The following GPATCH2L variants were observed in gnomAD, a reference collection of about 807,000 sequenced individuals.
GPATCH2L encodes G patch domain-containing protein 2-like.
In GPATCH2L, 31 loss-of-function variants were observed where a neutral mutation model predicts 57.4. That is an observed-to-expected ratio of 0.54 (90% CI 0.41 to 0.73). The LOEUF (loss-of-function observed/expected upper bound fraction) is 0.73. Ranked by LOEUF, GPATCH2L falls within the 30% of genes least tolerant of loss-of-function variation. GPATCH2L has a pLI of 0.00. For synonymous variants in GPATCH2L, 199 were observed against 210.7 expected (o/e 0.94, Z 0.48); for missense variants, 481 against 599.9 (o/e 0.80, Z 2.07).
intron 1 of GPATCH2L, among the ~76,000 whole-genome samples, chr14:76,153,325 G>A (rs2038142510): frequency 6.6e-6 from 1 of 152,254 alleles, no homozygotes; most frequent in Admixed American, 6.5e-5. Flanking sequence ...TTAATTAGAT[G>A]CTGTACAAAT....
chr14:76,230,707 C>T (rs1280722598), intron 2 of GPATCH2L, among the ~76,000 whole-genome samples: 2 of 152,202 alleles, frequency 1.3e-5, no homozygotes, highest in Non-Finnish European at 2.9e-5. Context: ...AGATCATTGC[C>T]AGTTTACCAG....
chr14:76,157,893 T>C (rs879751282), intron 2 of GPATCH2L, among the ~76,000 whole-genome samples: 3 of 152,216 alleles, frequency 2.0e-5, no homozygotes, highest in Non-Finnish European at 4.4e-5. Context: ...AGTATAGTAG[T>C]TTTTTTCTGC....
chr14:76,186,601 G>A (rs2039776843), intron 8 of GPATCH2L, among the ~76,000 whole-genome samples: 1 of 152,142 alleles, frequency 6.6e-6, no homozygotes, highest in Non-Finnish European at 1.5e-5. Flanking sequence ...AGCAGTTTCT[G>A]CTATAGTATT....
intron 1 of GPATCH2L, chr14:76,152,435 C>G: frequency 3.4e-6 from 1 of 294,188 alleles, no homozygotes. Context: ...CCCCGCCCCT[C>G]GTGAGCCCAA....
Position 76,211,125 on chromosome 14 carries a change from G to A in GPATCH2L, c.*9274G>A, listed in dbSNP as rs1055145311. 2.0e-5 allele frequency: 3 copies of A among 152,142 alleles called. No homozygotes were observed. The highest frequency in any genetic ancestry group is 7.2e-5 in the African/African-American group (3 of 41,416). 9.4% of individuals were successfully genotyped at this position (152,142 alleles called of 1,614,324 possible). On this transcript the variant is annotated 3_prime_UTR_variant, in exon 10 of 10. Coordinates refer to ENST00000261530, the MANE Select transcript of GPATCH2L (RefSeq NM_017926.4). ...AGAAGAGTGGATGAAGCCCTCCAAG[G>A]GTAAAAGCATGGTTTATTCAGAGCA...
rs2040335140 is a variant in GPATCH2L at position 76,203,051 on chromosome 14, GGT to G, written c.*1201_*1202del. ...CTCTTGGTGAAGTGCTCCCTGCTCT[GGT>G]CACATTGTAGAGGGACTCCCACTCA... On this transcript the variant is annotated 3_prime_UTR_variant, in exon 10 of 10. Transcript: ENST00000261530. The G allele has an allele frequency of 6.6e-6, 1 of 152,066 alleles. No homozygotes were observed. The highest frequency in any genetic ancestry group is 2.4e-5 in the African/African-American group (1 of 41,396). The allele number at this position is 152,066 out of a possible 1,614,324, so 9.4% of individuals were successfully genotyped here.
rs929862199 is a variant in GPATCH2L at position 76,211,092 on chromosome 14, A to C, written c.*9241A>C. 6.6e-6 allele frequency: 1 copy of C among 152,244 alleles called. No individual in the cohort carries two copies. The highest frequency in any genetic ancestry group is 2.4e-5 in the African/African-American group (1 of 41,460). The allele number at this position is 152,244 out of a possible 1,614,324, so 9.4% of individuals were successfully genotyped here. On this transcript the variant is annotated 3_prime_UTR_variant, in exon 10 of 10. Transcript: ENST00000261530. Reference sequence around the variant, plus strand: ...TTGAAAGAAATCCTGAAGGATAAGCAGGAGTTAAGAAGAGTGGATGAAGCC... The same window carrying C: ...TTGAAAGAAATCCTGAAGGATAAGCCGGAGTTAAGAAGAGTGGATGAAGCC...
intron 9 of GPATCH2L, among the ~76,000 whole-genome samples, chr14:76,200,285 G>A (rs1449209416): frequency 2.0e-5 from 3 of 152,130 alleles, no homozygotes; most frequent in Non-Finnish European, 4.4e-5. Context: ...TGTACTTAAT[G>A]CGACTGAACT....
At chr14:76,153,202 A>G (rs954988247) in intron 1 of GPATCH2L, among the ~76,000 whole-genome samples, 1 of 152,256 alleles carries the variant, frequency 6.6e-6, no homozygotes, top group Non-Finnish European at 1.5e-5. Flanking sequence ...GCAAAGTGAA[A>G]ACTGAATGAA....
chr14:76,175,969 A>T (rs2039304713), intron 5 of GPATCH2L: 1 of 152,196 alleles, frequency 6.6e-6, no homozygotes, highest in African/African-American at 2.4e-5. Flanking sequence ...ATTTTTTGGA[A>T]ATGGTTCGTT....
In GPATCH2L at chr14:76,203,003, G is replaced by T. The variant is rs1385699422; in HGVS notation, c.*1152G>T. 6.6e-6 allele frequency: 1 copy of T among 152,086 alleles called. No individual in the cohort carries two copies. Among genetic ancestry groups the T allele is most frequent in the African/African-American group, 2.4e-5 (1 of 41,402 alleles). The allele number at this position is 152,086 out of a possible 1,614,324, so 9.4% of individuals were successfully genotyped here. On this transcript the variant is annotated 3_prime_UTR_variant, in exon 10 of 10. Coordinates refer to ENST00000261530, the MANE Select transcript of GPATCH2L (RefSeq NM_017926.4). Reference sequence around the variant, plus strand: ...CTCTTTTTTTTATACCAATGAGTGCGTTTACTCTGAAATACATAGAAGCTC... The same window carrying T: ...CTCTTTTTTTTATACCAATGAGTGCTTTTACTCTGAAATACATAGAAGCTC...
intron 8 of GPATCH2L, among the ~76,000 whole-genome samples, chr14:76,195,599 T>C (rs540581108): frequency 6.6e-6 from 1 of 152,334 alleles, no homozygotes; most frequent in African/African-American, 2.4e-5. Context: ...AAAATAATTG[T>C]ATAAAAATAA....
At position 76,201,647 on chromosome 14, in the gene GPATCH2L, A is replaced by G. The variant is rs753606622; in HGVS notation, c.1289-44A>G. 9.7e-6 allele frequency: 14 copies of G among 1,446,306 alleles called. No individual in the cohort carries two copies. In the South Asian group the frequency reaches 1.5e-4, roughly 16 times the overall value. 89.6% of individuals were successfully genotyped at this position (1,446,306 alleles called of 1,614,324 possible). On this transcript the variant is annotated intron_variant, in intron 9 of 9. Transcript: ENST00000261530. ...ATTCTAATTTGTCTTATTCTAATTTATCTCCCCTTGATGTTTTGCTCCTCT... is the reference window on the plus strand; with the variant it reads ...ATTCTAATTTGTCTTATTCTAATTTGTCTCCCCTTGATGTTTTGCTCCTCT...
downstream of GPATCH2L, among the ~76,000 whole-genome samples, chr14:76,216,543 G>GTGCA (rs2040490641): frequency 6.6e-6 from 1 of 152,110 alleles, no homozygotes; most frequent in African/African-American, 2.4e-5. Flanking sequence ...AACTCATTCA[G>GTGCA]GGGAAATAGA....
chr14:76,166,247 G>A (rs184505472), intron 2 of GPATCH2L, among the ~76,000 whole-genome samples: 14 of 152,238 alleles, frequency 9.2e-5, no homozygotes, highest in Admixed American at 9.2e-4. Context: ...GTAGATGGGG[G>A]AAAACTTGAA....
rs1280291946 is a variant in GPATCH2L, at chr14:76,210,302, A to G, written c.*8451A>G. 1 of 152,244 alleles carries G rather than the reference A, an allele frequency of 6.6e-6. No individual in the cohort carries two copies. Among genetic ancestry groups the G allele is most frequent in the African/African-American group, 2.4e-5 (1 of 41,462 alleles). 9.4% of individuals were successfully genotyped at this position (152,244 alleles called of 1,614,324 possible). ...ACAAACTTGCTCGAGTCACATATCT[A>G]TTAAGTGTCAGTCAAGATTCAGATT... On this transcript the variant is annotated 3_prime_UTR_variant, in exon 10 of 10. Coordinates refer to ENST00000261530, the MANE Select transcript of GPATCH2L (RefSeq NM_017926.4).
At chr14:76,216,801 C>T (rs2040491823), downstream of GPATCH2L, among the ~76,000 whole-genome samples, 1 of 152,100 alleles carries the variant, frequency 6.6e-6, no homozygotes, top group African/African-American at 2.4e-5. Context: ...TAAAACACAA[C>T]TCTGAAAGTG....
At chr14:76,176,714 C>CACAGCCAGTAAA in intron 6 of GPATCH2L, 24 bp downstream of exon 6, 1 of 1,471,632 alleles carries the variant, frequency 6.8e-7, no homozygotes, top group Non-Finnish European at 9.5e-7. Context: ...TATTTACTGG[C>CACAGCCAGTAAA]TGTGCTAGTC....
Position 76,154,514 on chromosome 14 carries a change from TTCAC to T in GPATCH2L, c.156_159del (p.His53TrpfsTer29). The T allele has an allele frequency of 6.2e-7, 1 of 1,614,164 alleles. No individual in the cohort carries two copies. The highest frequency in any genetic ancestry group is 8.5e-7 in the Non-Finnish European group (1 of 1,180,030). ...CCGAGGTCGGAAGCGTCGTTCTGAC[TTCAC>T]TCACCTGGCAGAGCATACCTGCTGC... is the stretch of plus-strand genomic sequence containing the variant. On this transcript the variant is annotated frameshift_variant, in exon 2 of 10. Coordinates refer to ENST00000261530, the MANE Select transcript of GPATCH2L (RefSeq NM_017926.4). LOFTEE classifies it high-confidence loss of function. This position sits in a 1 kb window ranked among gnomAD's most constrained non-coding sequence, Gnocchi z 4.4.
Sources: gnomAD v4.1 joint callset for allele counts (sites outside exome capture counted in the v4.1 genomes callset) on GRCh38, gnomAD v4.1.1 for gene constraint, Gnocchi (gnomAD v3.1) non-coding constraint, MANE v1.5 for transcripts, NCBI Gene and HGNC (gene_info 2026-07-23, HGNC 2026-07-21) for gene names.